Variants in PRKAR1B observed in about 807,000 individuals in gnomAD.
The protein encoded by PRKAR1B is cAMP-dependent protein kinase type I-beta regulatory subunit.
A neutral mutation model predicts 46.5 loss-of-function variants in PRKAR1B; 22 were observed. The observed-to-expected ratio is 0.47, with a 90% CI of 0.34 to 0.68. The LOEUF (loss-of-function observed/expected upper bound fraction) is 0.68. PRKAR1B is among the 30% of genes least tolerant of loss of function. PRKAR1B has a pLI of 0.01. For missense variants in PRKAR1B, 445 were observed against 535.6 expected (o/e 0.83, Z 1.67); for synonymous variants, 259 against 217.7 (o/e 1.19, Z -1.67).
At chr7:592,536 G>C (rs963442334) in intron 7 of PRKAR1B, among the ~76,000 whole-genome samples, 1 of 152,300 alleles carries the variant, frequency 6.6e-6, no homozygotes. Flanking sequence ...GCTGTGCCGA[G>C]TCACTCCGGA....
At chr7:721,239 A>G (rs1350022702) in intron 1 of PRKAR1B, among the ~76,000 whole-genome samples, 2 of 152,230 alleles carry the variant, frequency 1.3e-5, no homozygotes, top group East Asian at 3.8e-4. Flanking sequence ...TGCTTCGATC[A>G]TCAAATATGA....
At chr7:605,698 G>A (rs150018748) in intron 6 of PRKAR1B, among the ~76,000 whole-genome samples, 119 of 152,296 alleles carry the variant, frequency 7.8e-4, no homozygotes, top group African/African-American at 2.7e-3. Context: ...AGTGAGACCC[G>A]ACTCACGGCT....
intron 3 of PRKAR1B, among the ~76,000 whole-genome samples, chr7:680,309 T>G (rs946420434): frequency 5.9e-5 from 9 of 152,092 alleles, no homozygotes; most frequent in Non-Finnish European, 8.8e-5. Flanking sequence ...AAGGCCGCCA[T>G]GGGGCTGCAG....
chr7:615,996 G>A (rs1376638429), intron 4 of PRKAR1B, among the ~76,000 whole-genome samples: 5 of 96,310 alleles, frequency 5.2e-5, no homozygotes, highest in Non-Finnish European at 2.1e-5. Context: ...GAGAGAGAAA[G>A]AAAAAGGAAG....
intron 4 of PRKAR1B, among the ~76,000 whole-genome samples, chr7:614,081 C>T (rs2128469960): frequency 6.6e-6 from 1 of 152,272 alleles, no homozygotes; most frequent in African/African-American, 2.4e-5. Flanking sequence ...GGGAGCCAGG[C>T]CCAGATGACA....
intron 9 of PRKAR1B, among the ~76,000 whole-genome samples, chr7:577,059 A>ACGG (rs1779889477): frequency 8.6e-5 from 11 of 128,592 alleles, no homozygotes; most frequent in African/African-American, 1.8e-4. Flanking sequence ...TCCATCAGTC[A>ACGG]CCTCACCCAA....
chr7:552,838 G>A (rs991898865), intron 9 of PRKAR1B, among the ~76,000 whole-genome samples: 6 of 152,222 alleles, frequency 3.9e-5, no homozygotes, highest in African/African-American at 9.6e-5. Context: ...CGGCCTCCCC[G>A]GGGAAAGGGG....
chr7:586,889 T>C (rs1403011629), intron 7 of PRKAR1B, among the ~76,000 whole-genome samples: 3 of 148,784 alleles, frequency 2.0e-5, no homozygotes, highest in African/African-American at 4.9e-5. Context: ...CCACCTTCTT[T>C]TTTTTTTTTT....
At chr7:723,535 T>C (rs1208021823) in intron 1 of PRKAR1B, among the ~76,000 whole-genome samples, 1 of 152,202 alleles carries the variant, frequency 6.6e-6, no homozygotes, top group African/African-American at 2.4e-5. Flanking sequence ...GGGTATTTTG[T>C]TGTATTTCAA....
At chr7:622,328 G>A (rs185024472) in intron 4 of PRKAR1B, among the ~76,000 whole-genome samples, 135 of 152,330 alleles carry the variant, frequency 8.9e-4, no homozygotes, top group African/African-American at 2.8e-3. Context: ...GGACCCCCGC[G>A]CCACACAGGG....
chr7:726,758 C>T (rs1781309047), intron 1 of PRKAR1B: 1 of 1,255,718 alleles, frequency 8.0e-7, no homozygotes, highest in Non-Finnish European at 1.0e-6. Context: ...GTGGCGGCCC[C>T]ACACCCGGCT....
In PRKAR1B at chr7:646,050, A is replaced by AT. The variant is rs547981667; in HGVS notation, c.440+31178dup. Among the ~76,000 whole-genome samples, 56 of 147,424 alleles carry AT rather than the reference A, an allele frequency of 3.8e-4. No individual in the cohort carries two copies. The East Asian group carries it at 5.3e-3, about 14-fold the overall frequency. ...TGCTCAGTAACCCCAACTGCACGCT[A>AT]TTTTTTTTTTTAAGAGGCAGAGTCT... On this transcript the variant is annotated intron_variant, in intron 4 of 10. Coordinates refer to ENST00000537384, the MANE Select transcript of PRKAR1B (RefSeq NM_001164760.2).
At chr7:629,184 A>G (rs1428648619) in intron 4 of PRKAR1B, among the ~76,000 whole-genome samples, 1 of 152,264 alleles carries the variant, frequency 6.6e-6, no homozygotes, top group Non-Finnish European at 1.5e-5. Flanking sequence ...CTCATGGCAC[A>G]GTGACAGGAT....
At chr7:659,432 C>T (rs888135179) in intron 4 of PRKAR1B, among the ~76,000 whole-genome samples, 4 of 152,162 alleles carry the variant, frequency 2.6e-5, no homozygotes, top group South Asian at 2.1e-4. Context: ...CCACAGGCAC[C>T]GAAGTGACCA....
rs66758527 is a variant in PRKAR1B at position 611,769 on chromosome 7, A to AATGGATGGATGGATGGATGG, written c.441-4337_441-4318dup. Among the ~76,000 whole-genome samples, 306 of 150,072 alleles carry AATGGATGGATGGATGGATGG rather than the reference A, an allele frequency of 2.0e-3. 2 individuals are homozygous for AATGGATGGATGGATGGATGG. Among genetic ancestry groups the AATGGATGGATGGATGGATGG allele is most frequent in the African/African-American group, 7.2e-3 (295 of 40,876 alleles). ...GTACAGGTGGGTGAGTAGACGAATGAATGGATGGATGGATGGATGGATGGA... is the reference window on the plus strand; with the variant it reads ...GTACAGGTGGGTGAGTAGACGAATGAATGGATGGATGGATGGATGGATGGATGGATGGATGGATGGATGGA... On this transcript the variant is annotated intron_variant, in intron 4 of 10. Transcript: ENST00000537384.
intron 4 of PRKAR1B, among the ~76,000 whole-genome samples, chr7:632,201 T>C (rs1783791030): frequency 6.6e-6 from 1 of 152,166 alleles, no homozygotes. Context: ...TGTGTCTCTG[T>C]TGCCTCATTA....
At chr7:708,845 T>C (rs1780465740) in intron 2 of PRKAR1B, among the ~76,000 whole-genome samples, 1 of 145,380 alleles carries the variant, frequency 6.9e-6, no homozygotes, top group East Asian at 2.0e-4. Context: ...CAGGCCAGAG[T>C]GCAGTGACGC....
chr7:695,045 AAG>A (rs1413461659), intron 2 of PRKAR1B, among the ~76,000 whole-genome samples: 8 of 151,966 alleles, frequency 5.3e-5, no homozygotes, highest in African/African-American at 1.7e-4. Context: ...AAAAAAAAAA[AAG>A]AACCAAGCGA....
At chr7:657,492 CAG>C (rs1295906777) in intron 4 of PRKAR1B, among the ~76,000 whole-genome samples, 1 of 152,200 alleles carries the variant, frequency 6.6e-6, no homozygotes, top group African/African-American at 2.4e-5. Flanking sequence ...TCAATTAACT[CAG>C]AGGACTTCGT....
Sources: allele counts gnomAD v4.1 joint callset (sites outside exome capture counted in the v4.1 genomes callset), GRCh38; gene constraint gnomAD v4.1.1; transcripts MANE v1.5; gene names NCBI Gene and HGNC (gene_info 2026-07-23, HGNC 2026-07-21).